Variants in ANGPT1 observed in about 807,000 individuals in gnomAD.
The protein encoded by ANGPT1 is angiopoietin 1, also known as angiopoietin-1.
In ANGPT1, 17 loss-of-function variants were observed where a neutral mutation model predicts 62.2. The observed-to-expected ratio is 0.27, with a 90% CI of 0.19 to 0.41. ANGPT1 has a LOEUF of 0.41. ANGPT1 is among the 10% of genes least tolerant of loss of function. The pLI is 1.00. For missense variants in ANGPT1, 478 were observed against 594.9 expected (o/e 0.80, Z 2.04); for synonymous variants, 199 against 198.9 (o/e 1.00, Z 0.00).
intron 3 of ANGPT1, among the ~76,000 whole-genome samples, chr8:107,332,843 C>A (rs184931002): frequency 2.0e-5 from 3 of 152,216 alleles, no homozygotes; most frequent in African/African-American, 7.2e-5. Context: ...CAACTAAAGG[C>A]ATGTTGTTGC....
At chr8:107,320,652 C>T (rs890893430) in intron 4 of ANGPT1, among the ~76,000 whole-genome samples, 25 of 152,106 alleles carry the variant, frequency 1.6e-4, no homozygotes, top group African/African-American at 5.8e-4. Flanking sequence ...TTACTGAGCA[C>T]ACCCAAATGG....
intron 8 of ANGPT1, among the ~76,000 whole-genome samples, chr8:107,253,862 G>C (rs890872672): frequency 5.3e-5 from 8 of 152,186 alleles, no homozygotes; most frequent in African/African-American, 1.9e-4. Context: ...AATTGATCTT[G>C]TGTAGCTTTT....
chr8:107,408,522 GA>G (rs1186011054), intron 1 of ANGPT1, among the ~76,000 whole-genome samples: 2 of 246 alleles, frequency 8.1e-3, no homozygotes, highest in East Asian at 0.12. Flanking sequence ...ATAGGGTTGG[GA>G]GGGTGAGGGC....
At chr8:107,479,743 A>C (rs1274405282) in intron 1 of ANGPT1, among the ~76,000 whole-genome samples, 1 of 152,198 alleles carries the variant, frequency 6.6e-6, no homozygotes, top group East Asian at 1.9e-4. Flanking sequence ...TGATCAGAAA[A>C]ATTTCAAACA....
At chr8:107,393,628 G>A (rs1816877722) in intron 1 of ANGPT1, among the ~76,000 whole-genome samples, 1 of 152,086 alleles carries the variant, frequency 6.6e-6, no homozygotes, top group Non-Finnish European at 1.5e-5. Context: ...TGACCAGTGT[G>A]GTGAAACCCC....
At chr8:107,398,881 G>A (rs1238496425) in intron 1 of ANGPT1, among the ~76,000 whole-genome samples, 3 of 152,122 alleles carry the variant, frequency 2.0e-5, no homozygotes, top group Non-Finnish European at 4.4e-5. Context: ...AGCTCTAGAT[G>A]TTCTAGGAAA....
chr8:107,412,297 T>C (rs761202685), intron 1 of ANGPT1, among the ~76,000 whole-genome samples: 1 of 152,254 alleles, frequency 6.6e-6, no homozygotes, highest in Non-Finnish European at 1.5e-5. Flanking sequence ...TTAGGACTAA[T>C]TGAACCAATC....
Position 107,299,548 on chromosome 8 carries a change from T to C in ANGPT1, c.936+3692A>G, listed in dbSNP as rs1345079578. Among the ~76,000 whole-genome samples, 5 of 142,210 alleles carry C rather than the reference T, an allele frequency of 3.5e-5. No homozygotes were observed. The East Asian group carries it at 6.2e-4, about 18-fold the overall frequency. The allele number at this position is 142,210 out of a possible 152,430, so 93.3% of individuals were successfully genotyped here. On this transcript the variant is annotated intron_variant, in intron 5 of 8. Coordinates refer to ENST00000517746, the MANE Select transcript of ANGPT1 (RefSeq NM_001146.5). ...CTAAGCATATATATAGATATTTAGA[T>C]ATACATAGCATATATAGATATATAT...
intron 1 of ANGPT1, among the ~76,000 whole-genome samples, chr8:107,435,523 T>A (rs796684970): frequency 1.3e-5 from 2 of 152,304 alleles, no homozygotes; most frequent in South Asian, 2.1e-4. Context: ...CCGGGGAGTG[T>A]CATGTGTTGG....
At chr8:107,338,694 C>A (rs137954976) in intron 2 of ANGPT1, among the ~76,000 whole-genome samples, 52 of 152,274 alleles carry the variant, frequency 3.4e-4, no homozygotes, top group African/African-American at 1.0e-3. Context: ...TTTGGAGTAG[C>A]TCAGTGGGGA....
chr8:107,324,068 T>A (rs1466932136), intron 3 of ANGPT1, among the ~76,000 whole-genome samples: 3 of 151,648 alleles, frequency 2.0e-5, no homozygotes, highest in Non-Finnish European at 2.9e-5. Context: ...CATGAGCCAC[T>A]GTGCCCGGCC....
chr8:107,464,678 C>T (rs1012137760), intron 1 of ANGPT1, among the ~76,000 whole-genome samples: 1 of 152,106 alleles, frequency 6.6e-6, no homozygotes, highest in African/African-American at 2.4e-5. Flanking sequence ...CCCCAACTTC[C>T]TCTCCTTTGA....
In ANGPT1 at chr8:107,380,008, G is replaced by A. The variant is rs147993400; in HGVS notation, c.298-32911C>T. 4.6e-4 allele frequency among the ~76,000 whole-genome samples: 70 copies of A among 152,142 alleles called. 1 individual carries two copies. The East Asian group carries it at 0.012, about 26-fold the overall frequency. On this transcript the variant is annotated intron_variant, in intron 1 of 8. Coordinates refer to ENST00000517746, the MANE Select transcript of ANGPT1 (RefSeq NM_001146.5). Reference sequence around the variant, plus strand: ...TCCACACAAAAATCTAAGAAAGCGCGCACACATGTTATAACTATGAATATT... The same window carrying A: ...TCCACACAAAAATCTAAGAAAGCGCACACACATGTTATAACTATGAATATT...
intron 2 of ANGPT1, among the ~76,000 whole-genome samples, chr8:107,338,167 C>T (rs1815614551): frequency 1.3e-5 from 2 of 152,034 alleles, no homozygotes; most frequent in Non-Finnish European, 2.9e-5. Flanking sequence ...CAGGAATTTG[C>T]AGGAGTAGGG....
At chr8:107,326,270 A>T (rs896308928) in intron 3 of ANGPT1, among the ~76,000 whole-genome samples, 5 of 152,146 alleles carry the variant, frequency 3.3e-5, no homozygotes, top group Non-Finnish European at 5.9e-5. Context: ...CAAATTGGAA[A>T]CATGTTACAT....
At chr8:107,438,907 A>C (rs572437074) in intron 1 of ANGPT1, among the ~76,000 whole-genome samples, 1 of 152,304 alleles carries the variant, frequency 6.6e-6, no homozygotes, top group African/African-American at 2.4e-5. Context: ...TTGATTTACG[A>C]ACAAAATGTA....
intron 2 of ANGPT1, among the ~76,000 whole-genome samples, chr8:107,343,683 T>C (rs370642904): frequency 1.3e-5 from 2 of 152,188 alleles, no homozygotes; most frequent in East Asian, 3.8e-4. Context: ...TAGAAGCATT[T>C]TGCCACATTA....
chr8:107,296,507 C>T (rs543631204), intron 5 of ANGPT1, among the ~76,000 whole-genome samples: 23 of 152,032 alleles, frequency 1.5e-4, no homozygotes, highest in African/African-American at 4.6e-4. Flanking sequence ...AATGAAGAAG[C>T]CTTTAGTGAC....
intron 1 of ANGPT1, chr8:107,494,476 G>A (rs1426600275): frequency 6.6e-6 from 1 of 152,138 alleles, no homozygotes; most frequent in Non-Finnish European, 1.5e-5. Context: ...ACACCCAGGT[G>A]TTTCACAAAA....
Sources: gnomAD v4.1 joint callset for allele counts (sites outside exome capture counted in the v4.1 genomes callset) on GRCh38, gnomAD v4.1.1 for gene constraint, MANE v1.5 for transcripts, NCBI Gene and HGNC (gene_info 2026-07-23, HGNC 2026-07-21) for gene names.